NEK7: variants seen among roughly 807,000 people sequenced by gnomAD.
NEK7 encodes the protein serine/threonine-protein kinase Nek7.
In NEK7, 18 loss-of-function variants were observed where a neutral mutation model predicts 44.6. The observed-to-expected ratio is 0.40, with a 90% CI of 0.28 to 0.60. The LOEUF (loss-of-function observed/expected upper bound fraction) is 0.60. NEK7 is among the 20% of genes least tolerant of loss of function. The pLI, the probability that NEK7 is intolerant of heterozygous loss-of-function variation, is 0.38. For missense variants in NEK7, 256 were observed against 366.5 expected, an observed-to-expected ratio of 0.70 and a Z score of 2.46; for synonymous variants, 130 against 121.1, an observed-to-expected ratio of 1.07 and a Z score of -0.48.
At chr1:198,231,385 T>C (rs1325074504) in intron 1 of NEK7, among the ~76,000 whole-genome samples, 1 of 143,482 alleles carries the variant, frequency 7.0e-6, no homozygotes, top group East Asian at 2.0e-4. Context: ...ATAGCAGCAG[T>C]GCAGTGTGGT....
chr1:198,278,222 C>T (rs1047708492), intron 6 of NEK7, among the ~76,000 whole-genome samples, 153 bp downstream of exon 6: 2 of 149,222 alleles, frequency 1.3e-5, no homozygotes, highest in Non-Finnish European at 3.0e-5. Flanking sequence ...TTAAATAAAG[C>T]ACTACTAGGT....
intron 1 of NEK7, among the ~76,000 whole-genome samples, chr1:198,180,182 C>A (rs79340813): frequency 6.6e-6 from 1 of 151,734 alleles, no homozygotes; most frequent in East Asian, 1.9e-4. Context: ...TTCTACACCT[C>A]CCTTTTTTTT....
chr1:198,182,561 T>C (rs1424317764), intron 1 of NEK7, among the ~76,000 whole-genome samples: 1 of 152,170 alleles, frequency 6.6e-6, no homozygotes, highest in Non-Finnish European at 1.5e-5. Flanking sequence ...TTTCTACATG[T>C]ATGAAAAGTA....
chr1:198,208,597 T>A (rs1026521970), intron 1 of NEK7: 1 of 152,176 alleles, frequency 6.6e-6, no homozygotes, highest in African/African-American at 2.4e-5. Flanking sequence ...AGGTTGGTAA[T>A]GCATTTATTA....
chr1:198,174,779 A>T (rs1352597369), intron 1 of NEK7, among the ~76,000 whole-genome samples: 8 of 147,930 alleles, frequency 5.4e-5, no homozygotes, highest in South Asian at 2.2e-4. Flanking sequence ...TTGGGGGGGG[A>T]CAGGGTCTTG....
intron 1 of NEK7, among the ~76,000 whole-genome samples, chr1:198,173,598 G>A (rs73075160): frequency 0.026 from 3,938 of 152,090 alleles, 169 homozygotes; most frequent in African/African-American, 0.089. Context: ...TAATAAATCT[G>A]TTTTTAAAGC....
At chr1:198,208,265 C>T (rs781174542) in intron 1 of NEK7, among the ~76,000 whole-genome samples, 4 of 152,162 alleles carry the variant, frequency 2.6e-5, no homozygotes, top group African/African-American at 9.7e-5. Context: ...TAATCTGGAG[C>T]GTAAGATGTT....
chr1:198,161,449 C>T (rs982947652), intron 1 of NEK7, among the ~76,000 whole-genome samples: 2 of 152,126 alleles, frequency 1.3e-5, no homozygotes, highest in African/African-American at 4.8e-5. Flanking sequence ...TGGTAGCTTT[C>T]CCCCACTCTA....
At chr1:198,172,301 A>G (rs899494421) in intron 1 of NEK7, among the ~76,000 whole-genome samples, 1 of 152,184 alleles carries the variant, frequency 6.6e-6, no homozygotes, top group African/African-American at 2.4e-5. Flanking sequence ...AAATAAAGAA[A>G]CTAGAAACTT....
At chr1:198,209,528 A>G (rs1374411705) in intron 1 of NEK7, among the ~76,000 whole-genome samples, 1 of 152,226 alleles carries the variant, frequency 6.6e-6, no homozygotes, top group Non-Finnish European at 1.5e-5. Context: ...TTTGATAATG[A>G]TAAGAATAAT....
intron 7 of NEK7, among the ~76,000 whole-genome samples, chr1:198,280,657 CATT>C (rs1465620845): frequency 6.6e-6 from 1 of 151,020 alleles, no homozygotes; most frequent in Non-Finnish European, 1.5e-5. Context: ...TTTAATAATT[CATT>C]ATGAATTTCT....
chr1:198,277,735 G>A (rs952100082), intron 5 of NEK7: 27 of 373,288 alleles, frequency 7.2e-5, no homozygotes, highest in Admixed American at 3.1e-4. Flanking sequence ...ATCACAAAAA[G>A]GTACTGTTAC....
At chr1:198,281,296 C>T (rs1654189451) in intron 7 of NEK7, among the ~76,000 whole-genome samples, 1 of 152,034 alleles carries the variant, frequency 6.6e-6, no homozygotes, top group Admixed American at 6.6e-5. Context: ...AAGTTTTCTT[C>T]TCAGAGTTGG....
chr1:198,275,442 A>T (rs1053723085), intron 5 of NEK7, among the ~76,000 whole-genome samples: 1 of 151,296 alleles, frequency 6.6e-6, no homozygotes, highest in African/African-American at 2.4e-5. Context: ...GCTATATTAA[A>T]AACTTACTAT....
In NEK7 at chr1:198,321,792, TTATA is replaced by T. The variant is rs1174763509; in HGVS notation, c.*2273_*2276del. On this transcript the variant is annotated 3_prime_UTR_variant, in exon 10 of 10. Transcript: ENST00000367385. ...TATGAAGATGATTTGAAGCTCTAAT[TTATA>T]TAGTCACCTATAAAATGTTCTTTAT... 3 of 152,158 alleles carry T rather than the reference TTATA, an allele frequency of 2.0e-5. No homozygotes were observed. The highest frequency in any genetic ancestry group is 2.9e-5 in the Non-Finnish European group (2 of 67,976). The allele number at this position is 152,158 out of a possible 1,614,324, so 9.4% of individuals were successfully genotyped here.
intron 2 of NEK7, among the ~76,000 whole-genome samples, chr1:198,252,532 A>G (rs1653057615): frequency 3.8e-5 from 2 of 52,356 alleles, no homozygotes; most frequent in Admixed American, 5.1e-4. Context: ...CACATACTAT[A>G]TATATATATA....
chr1:198,232,512 A>T, intron 1 of NEK7, 41 bp from the exon 2 acceptor site: 2 of 885,358 alleles, frequency 2.3e-6, no homozygotes, highest in Non-Finnish European at 3.8e-6. Flanking sequence ...GTGAATTGGT[A>T]ATGATTACAT....
intron 1 of NEK7, among the ~76,000 whole-genome samples, chr1:198,184,867 T>TTAGC (rs1455262013): frequency 1.3e-5 from 2 of 151,978 alleles, no homozygotes; most frequent in African/African-American, 4.8e-5. Context: ...ATTTATTTAT[T>TTAGC]TAGCTAGTTA....
intron 1 of NEK7, among the ~76,000 whole-genome samples, chr1:198,193,064 T>C (rs1171992081): frequency 1.3e-5 from 2 of 149,850 alleles, no homozygotes; most frequent in African/African-American, 2.5e-5. Flanking sequence ...GACTGGTAGC[T>C]AAACTAATAA....
Sources: allele counts gnomAD v4.1 joint callset (sites outside exome capture counted in the v4.1 genomes callset), GRCh38; gene constraint gnomAD v4.1.1; transcripts MANE v1.5; gene names NCBI Gene and HGNC (gene_info 2026-07-23, HGNC 2026-07-21).